The following DAB1 variants were observed in gnomAD, a reference collection of about 807,000 sequenced individuals.
The protein encoded by DAB1 is DAB adaptor protein 1.
Under a neutral mutation model 64.6 loss-of-function variants are expected in DAB1, and 15 were observed. That is an observed-to-expected ratio of 0.23 (90% CI 0.16 to 0.36). DAB1 has a LOEUF of 0.36. DAB1 is among the 10% of genes least tolerant of loss of function. The pLI, the probability that DAB1 is intolerant of heterozygous loss-of-function variation, is 1.00. For missense variants in DAB1, 596 were observed against 706.7 expected, an observed-to-expected ratio of 0.84 and a Z score of 1.78; for synonymous variants, 235 against 251.9, an observed-to-expected ratio of 0.93 and a Z score of 0.64.
intron 7 of DAB1, among the ~76,000 whole-genome samples, chr1:57,580,666 G>A (rs983347674): frequency 1.2e-4 from 19 of 152,102 alleles, no homozygotes; most frequent in African/African-American, 4.6e-4. Flanking sequence ...GACCATACAG[G>A]GACTTAGCCA....
intron 4 of DAB1, among the ~76,000 whole-genome samples, chr1:58,201,826 T>C (rs1318591053): frequency 1.3e-5 from 2 of 152,300 alleles, no homozygotes; most frequent in African/African-American, 4.8e-5. Context: ...TGTGTTTTAA[T>C]TCTTTGTTTT....
chr1:57,276,496 C>T (rs78042093), intron 2 of DAB1, among the ~76,000 whole-genome samples: 1 of 152,204 alleles, frequency 6.6e-6, no homozygotes, highest in Admixed American at 6.5e-5. Flanking sequence ...TATTATGCAC[C>T]TGGCCCTATG....
chr1:57,321,539 A>G (rs1368623147), intron 1 of DAB1, among the ~76,000 whole-genome samples: 1 of 152,178 alleles, frequency 6.6e-6, no homozygotes, highest in Admixed American at 6.5e-5. Flanking sequence ...ATGGGCGTGT[A>G]AAGGTCACTT....
intron 2 of DAB1, among the ~76,000 whole-genome samples, chr1:58,520,070 G>C (rs1003145073): frequency 1.3e-5 from 2 of 152,084 alleles, no homozygotes; most frequent in African/African-American, 4.8e-5. Context: ...ACAAAGATGG[G>C]AACAACAGAC....
chr1:57,447,844 C>G (rs1163956436), intron 7 of DAB1, among the ~76,000 whole-genome samples: 1 of 152,080 alleles, frequency 6.6e-6, no homozygotes, highest in Non-Finnish European at 1.5e-5. Flanking sequence ...TTGAAAGGCT[C>G]CTGGTGGAGA....
chr1:57,097,921 G>T (rs1006521577), intron 4 of DAB1, among the ~76,000 whole-genome samples: 8 of 152,110 alleles, frequency 5.3e-5, no homozygotes, highest in Non-Finnish European at 8.8e-5. Context: ...GGGACCACAG[G>T]TGTCCACCGC....
chr1:57,864,186 G>A (rs889243203), intron 1 of DAB1, among the ~76,000 whole-genome samples: 1 of 152,182 alleles, frequency 6.6e-6, no homozygotes, highest in Admixed American at 6.5e-5. Context: ...CCAAGCATGT[G>A]TCATGTGGAT....
chr1:57,562,932 CT>C (rs1255164071), intron 7 of DAB1, among the ~76,000 whole-genome samples: 2 of 152,188 alleles, frequency 1.3e-5, no homozygotes, highest in Non-Finnish European at 2.9e-5. Context: ...GTCTGCTACT[CT>C]ACAACGGAGG....
intron 2 of DAB1, among the ~76,000 whole-genome samples, chr1:57,235,063 G>C (rs1345820688): frequency 6.6e-6 from 1 of 152,178 alleles, no homozygotes; most frequent in Admixed American, 6.5e-5. Context: ...AACATAACGT[G>C]ATCACTCATC....
chr1:57,229,913 C>T (rs1017370605), intron 2 of DAB1, among the ~76,000 whole-genome samples: 6 of 152,184 alleles, frequency 3.9e-5, no homozygotes, highest in Non-Finnish European at 8.8e-5. Context: ...AAGTCCATCT[C>T]CCCAATCAAC....
intron 4 of DAB1, among the ~76,000 whole-genome samples, chr1:58,241,633 G>T (rs766186944): frequency 6.6e-6 from 1 of 151,922 alleles, no homozygotes; most frequent in South Asian, 2.1e-4. Flanking sequence ...ATAAGAAAAA[G>T]AATCATCTAA....
chr1:58,539,272 T>C (rs755367494), intron 1 of DAB1: 1 of 855,268 alleles, frequency 1.2e-6, no homozygotes, highest in South Asian at 1.4e-5. Context: ...AGCAGCAGAC[T>C]GCAATCCACA....
At chr1:57,311,279 G>C (rs556514711) in intron 1 of DAB1, among the ~76,000 whole-genome samples, 1 of 152,138 alleles carries the variant, frequency 6.6e-6, no homozygotes, top group South Asian at 2.1e-4. Flanking sequence ...TCCCACGTGG[G>C]GACAAAGCTC....
intron 7 of DAB1, among the ~76,000 whole-genome samples, chr1:57,602,043 T>A (rs12036660): frequency 6.6e-6 from 1 of 151,934 alleles, no homozygotes; most frequent in Admixed American, 6.6e-5. Context: ...TTTATAGCTG[T>A]GTAATTTGGG....
At chr1:58,384,922 T>A (rs1644420816) in intron 3 of DAB1, among the ~76,000 whole-genome samples, 1 of 152,220 alleles carries the variant, frequency 6.6e-6, no homozygotes, top group African/African-American at 2.4e-5. Context: ...CCACCCAGAT[T>A]GAGGATGACT....
At chr1:57,252,267 T>G (rs1448411819) in intron 2 of DAB1, among the ~76,000 whole-genome samples, 1 of 152,164 alleles carries the variant, frequency 6.6e-6, no homozygotes, top group Non-Finnish European at 1.5e-5. Flanking sequence ...CTGTAGCAGG[T>G]GGATGAAATT....
chr1:58,300,703 A>G (rs1406380220), intron 4 of DAB1, among the ~76,000 whole-genome samples: 1 of 148,328 alleles, frequency 6.7e-6, no homozygotes, highest in Non-Finnish European at 1.5e-5. Context: ...GAAGGAAGGA[A>G]GGAAGGAAGG....
chr1:57,319,999 TAAC>T (rs1675565303), intron 1 of DAB1, among the ~76,000 whole-genome samples: 1 of 152,194 alleles, frequency 6.6e-6, no homozygotes, highest in South Asian at 2.1e-4. Flanking sequence ...GAGCCCCTGA[TAAC>T]AACTTTGAAC....
chr1:57,435,778 T>C (rs1685671614), intron 7 of DAB1, among the ~76,000 whole-genome samples: 1 of 152,184 alleles, frequency 6.6e-6, no homozygotes, highest in South Asian at 2.1e-4. Context: ...GTAACTTTTT[T>C]ATATAAGTAG....
Sources: allele counts gnomAD v4.1 joint callset (sites outside exome capture counted in the v4.1 genomes callset), GRCh38; gene constraint gnomAD v4.1.1; transcripts MANE v1.5; gene names NCBI Gene and HGNC (gene_info 2026-07-23, HGNC 2026-07-21).